The following SORCS3 variants were observed in gnomAD, a reference collection of about 807,000 sequenced individuals.
SORCS3 encodes the protein sortilin related VPS10 domain containing receptor 3.
Under a neutral mutation model 146.3 loss-of-function variants are expected in SORCS3, and 57 were observed. The ratio of observed to expected loss-of-function variants is 0.39; its 90% CI spans 0.31 to 0.49. The LOEUF is 0.49. Among genes scored for constraint, SORCS3 ranks in the 20% least tolerant of loss-of-function variants. The pLI is 0.92. For synonymous variants in SORCS3, 653 were observed against 618.5 expected (o/e 1.06, Z -0.83); for missense variants, 1,341 against 1,575.5 (o/e 0.85, Z 2.52).
intron 2 of SORCS3, among the ~76,000 whole-genome samples, chr10:104,885,476 C>T (rs2133578878): frequency 6.6e-6 from 1 of 152,228 alleles, no homozygotes; most frequent in Admixed American, 6.5e-5. Flanking sequence ...ATTAAGTACT[C>T]AGCAGGACTT....
chr10:105,228,966 C>T (rs1388143689), intron 20 of SORCS3, among the ~76,000 whole-genome samples: 2 of 152,156 alleles, frequency 1.3e-5, no homozygotes, highest in Non-Finnish European at 2.9e-5. Flanking sequence ...TTCTTTTTAT[C>T]TTCTGGCATA....
chr10:104,914,087 G>A (rs2018998567), intron 2 of SORCS3, among the ~76,000 whole-genome samples: 1 of 152,128 alleles, frequency 6.6e-6, no homozygotes, highest in Admixed American at 6.5e-5. Flanking sequence ...CCTCAGATAA[G>A]GAACCTGAGG....
chr10:105,063,281 A>C (rs1362498358), intron 5 of SORCS3, among the ~76,000 whole-genome samples: 1 of 152,190 alleles, frequency 6.6e-6, no homozygotes, highest in Non-Finnish European at 1.5e-5. Flanking sequence ...CGACCTTGGC[A>C]ACCTGAGAGA....
intron 1 of SORCS3, among the ~76,000 whole-genome samples, chr10:104,759,488 T>C (rs1055352804): frequency 1.3e-5 from 2 of 152,180 alleles, no homozygotes; most frequent in African/African-American, 4.8e-5. Flanking sequence ...CTCACTGCCA[T>C]TCCAACAGAA....
intron 1 of SORCS3, among the ~76,000 whole-genome samples, chr10:104,717,709 G>A (rs1285460937): frequency 6.6e-6 from 1 of 152,094 alleles, no homozygotes; most frequent in Non-Finnish European, 1.5e-5. Flanking sequence ...GAAAACAGAG[G>A]GTCAGAGCTG....
At chr10:105,199,381 G>A (rs11192360) in intron 14 of SORCS3, among the ~76,000 whole-genome samples, 9,947 of 152,180 alleles carry the variant, frequency 0.065, 408 homozygotes, top group Middle Eastern at 0.16. Context: ...TTATGAGTCT[G>A]CTGTGATTCT....
intron 13 of SORCS3, among the ~76,000 whole-genome samples, chr10:105,171,386 C>T (rs2056358570): frequency 2.6e-5 from 4 of 152,184 alleles, no homozygotes; most frequent in Admixed American, 2.6e-4. Context: ...TGGGCCCCCA[C>T]TGAATAGAGA....
chr10:104,728,021 TTCTATCTA>T (rs56299885), intron 1 of SORCS3, among the ~76,000 whole-genome samples: 31,076 of 146,484 alleles, frequency 0.21, 3,283 homozygotes, highest in Non-Finnish European at 0.23. Context: ...TATATAACAG[TTCTATCTA>T]TCTATCTATC....
intron 2 of SORCS3, among the ~76,000 whole-genome samples, chr10:104,878,525 T>C (rs968984157): frequency 5.3e-5 from 8 of 152,200 alleles, no homozygotes; most frequent in African/African-American, 1.9e-4. Context: ...TTATTATCTT[T>C]AATTGTGTGT....
At chr10:104,728,052 T>C (rs1435006462) in intron 1 of SORCS3, among the ~76,000 whole-genome samples, 1 of 151,454 alleles carries the variant, frequency 6.6e-6, no homozygotes, top group African/African-American at 2.4e-5. Flanking sequence ...TCTATCTATC[T>C]ATCTATCTAT....
intron 4 of SORCS3, among the ~76,000 whole-genome samples, chr10:105,029,930 A>T (rs1205630669): frequency 1.3e-5 from 2 of 152,140 alleles, no homozygotes; most frequent in Non-Finnish European, 2.9e-5. Flanking sequence ...TCTATTCCTG[A>T]CCCACTGAAT....
intron 20 of SORCS3, among the ~76,000 whole-genome samples, chr10:105,242,468 TTATATATTTATATATTTATATATTTA>T (rs1458891398): frequency 0.018 from 1,390 of 78,888 alleles, 38 homozygotes; most frequent in African/African-American, 0.058. Context: ...ATTTATATAT[TTATATATTTATATATTTATATATTTA>T]TATATATTTA....
chr10:104,760,618 T>C (rs2017109386), intron 1 of SORCS3, among the ~76,000 whole-genome samples: 1 of 152,336 alleles, frequency 6.6e-6, no homozygotes, highest in Middle Eastern at 3.4e-3. Context: ...GTGTTAATTT[T>C]CTCAGTTCCT....
chr10:105,257,399 G>C (rs189832377), intron 25 of SORCS3, among the ~76,000 whole-genome samples: 1 of 152,212 alleles, frequency 6.6e-6, no homozygotes, highest in East Asian at 1.9e-4. Flanking sequence ...GCATGCTAAA[G>C]ATATTCAACT....
At chr10:105,167,689 A>G (rs2056325838) in intron 13 of SORCS3, among the ~76,000 whole-genome samples, 1 of 152,156 alleles carries the variant, frequency 6.6e-6, no homozygotes, top group African/African-American at 2.4e-5. Flanking sequence ...TACATGTAAC[A>G]GATACTGAGT....
Position 104,641,299 on chromosome 10 carries a change from G to T in SORCS3, c.-29G>T. 7.9e-7 allele frequency: 1 copy of T among 1,268,584 alleles called. No homozygotes were observed. The highest frequency in any genetic ancestry group is 9.9e-7 in the Non-Finnish European group (1 of 1,010,364). The allele number at this position is 1,268,584 out of a possible 1,614,324, so 78.6% of individuals were successfully genotyped here. ...CACCTCGGCGGGCGCCACACACTCG[G>T]CAGCCCGAGCCGCGGTAGCCGCAGC... On this transcript the variant is annotated 5_prime_UTR_variant, in exon 1 of 27. Coordinates refer to ENST00000369701, the MANE Select transcript of SORCS3 (RefSeq NM_014978.3). The surrounding 1 kb of genome is among the most constrained non-coding windows in gnomAD (Gnocchi z 6.4).
intron 2 of SORCS3, among the ~76,000 whole-genome samples, chr10:104,891,308 T>C (rs1403851052): frequency 6.6e-6 from 1 of 152,214 alleles, no homozygotes; most frequent in Non-Finnish European, 1.5e-5. Flanking sequence ...ATTTTTCACA[T>C]AGATGCACTG....
chr10:104,761,488 C>T (rs1190408035), intron 1 of SORCS3, among the ~76,000 whole-genome samples: 1 of 152,120 alleles, frequency 6.6e-6, no homozygotes, highest in Non-Finnish European at 1.5e-5. Flanking sequence ...TATCTTTGAC[C>T]TTTCATGGGA....
chr10:105,040,380 T>C (rs1027849225), intron 4 of SORCS3, among the ~76,000 whole-genome samples: 1 of 152,134 alleles, frequency 6.6e-6, no homozygotes, highest in Admixed American at 6.5e-5. Flanking sequence ...ACAACAGTCA[T>C]CATATCCCTT....
Sources: allele counts gnomAD v4.1 joint callset (sites outside exome capture counted in the v4.1 genomes callset), GRCh38; gene constraint gnomAD v4.1.1; non-coding constraint Gnocchi (gnomAD v3.1); transcripts MANE v1.5; gene names NCBI Gene and HGNC (gene_info 2026-07-23, HGNC 2026-07-21).